RGS7: variants seen among roughly 807,000 people sequenced by gnomAD.
The protein encoded by RGS7 is regulator of G protein signaling 7.
Under a neutral mutation model 81.1 loss-of-function variants are expected in RGS7, and 27 were observed. The observed-to-expected ratio is 0.33, with a 90% CI of 0.25 to 0.46. RGS7 has a LOEUF of 0.46. Ranked by LOEUF, RGS7 falls within the 20% of genes least tolerant of loss-of-function variation. RGS7 has a pLI of 1.00. For synonymous variants in RGS7, 208 were observed against 207.7 expected, an observed-to-expected ratio of 1.00 and a Z score of -0.01; for missense variants, 396 against 607.4, an observed-to-expected ratio of 0.65 and a Z score of 3.66.
chr1:240,790,606 T>C (rs947467310), intron 18 of RGS7, among the ~76,000 whole-genome samples: 13 of 152,202 alleles, frequency 8.5e-5, no homozygotes, highest in Non-Finnish European at 1.9e-4. Context: ...CTAGGATTAA[T>C]AGCTGGAAGT....
chr1:241,238,164 G>A (rs2076080001), intron 2 of RGS7, among the ~76,000 whole-genome samples: 1 of 152,290 alleles, frequency 6.6e-6, no homozygotes, highest in South Asian at 2.1e-4. Flanking sequence ...TGCAGGTATT[G>A]TAGAAGCTCA....
intron 6 of RGS7, among the ~76,000 whole-genome samples, chr1:240,909,294 T>C (rs1671342007): frequency 6.6e-6 from 1 of 152,226 alleles, no homozygotes; most frequent in East Asian, 1.9e-4. Context: ...TTCTAGACTA[T>C]AAACTTCCAA....
rs922919010 is a variant in RGS7, at chr1:241,164,034, G to C, written c.79-65272C>G. Among the ~76,000 whole-genome samples, 7 of 152,150 alleles carry C rather than the reference G, an allele frequency of 4.6e-5. No homozygotes were observed. The highest frequency in any genetic ancestry group is 8.8e-5 in the Non-Finnish European group (6 of 68,036). ...CTTCTGACAGACCAGCTGGAAATTA[G>C]AGATCCCATGATCCCCTGCTTGAGT... On this transcript the variant is annotated intron_variant, in intron 2 of 18. Transcript: ENST00000440928. The surrounding 1 kb of genome is among the most constrained non-coding windows in gnomAD (Gnocchi z 4.1).
At chr1:241,256,182 T>C (rs1476294460) in intron 2 of RGS7, among the ~76,000 whole-genome samples, 4 of 152,194 alleles carry the variant, frequency 2.6e-5, no homozygotes, top group Non-Finnish European at 5.9e-5. Context: ...CTTATTTATG[T>C]AAGAGGATAT....
Position 240,793,611 on chromosome 1 carries a change from A to ATATATTTTTTTTTTTTTTTT in RGS7, c.*6+7029_*6+7030insAAAAAAAAAAAAAAAATATA. Reference sequence around the variant, plus strand: ...AATATATATATATATATATATATATATTTTTTTTTTTTTTTTGAGACAGAG... The same window carrying ATATATTTTTTTTTTTTTTTT: ...AATATATATATATATATATATATATATATATTTTTTTTTTTTTTTTTTTTTTTTTTTTTTTTGAGACAGAG... On this transcript the variant is annotated intron_variant, in intron 18 of 18. Coordinates refer to ENST00000440928, the MANE Select transcript of RGS7 (RefSeq NM_001364886.1). 8.9e-5 allele frequency among the ~76,000 whole-genome samples: 7 copies of ATATATTTTTTTTTTTTTTTT among 78,870 alleles called. 1 individual carries two copies. Among genetic ancestry groups the ATATATTTTTTTTTTTTTTTT allele is most frequent in the African/African-American group, 6.8e-4 (7 of 10,310 alleles). 51.7% of individuals were successfully genotyped at this position (78,870 alleles called of 152,430 possible). A position where few individuals can be genotyped will look rare whatever the true frequency, so the allele number is the denominator to read the frequency against.
At chr1:240,941,554 T>C (rs1252259040) in intron 4 of RGS7, among the ~76,000 whole-genome samples, 2 of 152,064 alleles carry the variant, frequency 1.3e-5, no homozygotes, top group Non-Finnish European at 2.9e-5. Flanking sequence ...TAACACTGCA[T>C]AGAAAAACAC....
chr1:241,315,107 CTTTTTTT>C (rs5782184), intron 2 of RGS7, among the ~76,000 whole-genome samples: 6 of 57,440 alleles, frequency 1.0e-4, no homozygotes, highest in South Asian at 9.3e-4. Flanking sequence ...TCTTCTTCTT[CTTTTTTT>C]TTTTTTTTTT....
intron 2 of RGS7, among the ~76,000 whole-genome samples, chr1:241,307,192 G>T (rs1372791757): frequency 6.6e-6 from 1 of 152,096 alleles, no homozygotes; most frequent in African/African-American, 2.4e-5. Context: ...TTACAGAGAG[G>T]ATCCTGAGAC....
intron 9 of RGS7, among the ~76,000 whole-genome samples, chr1:240,859,404 G>GT (rs1416187342): frequency 7.1e-6 from 1 of 140,202 alleles, no homozygotes; most frequent in Non-Finnish European, 1.5e-5. Flanking sequence ...TTCTTGGTAA[G>GT]TTTTAGTACA....
chr1:240,945,989 A>G (rs1385057583), intron 4 of RGS7, among the ~76,000 whole-genome samples: 1 of 152,234 alleles, frequency 6.6e-6, no homozygotes, highest in Non-Finnish European at 1.5e-5. Context: ...ATCTTTCTCA[A>G]AATTAGTTTG....
chr1:240,867,908 G>A (rs188588167), intron 9 of RGS7, among the ~76,000 whole-genome samples: 1 of 151,850 alleles, frequency 6.6e-6, no homozygotes, highest in East Asian at 1.9e-4. Flanking sequence ...AGGCTGAGGT[G>A]GGAGGACGGC....
At chr1:241,116,700 T>C (rs554846847) in intron 2 of RGS7, among the ~76,000 whole-genome samples, 11 of 152,312 alleles carry the variant, frequency 7.2e-5, no homozygotes, top group African/African-American at 1.7e-4. Flanking sequence ...ATGGGGTACA[T>C]AGTGATGTTT....
At chr1:241,189,963 C>A (rs542989878) in intron 2 of RGS7, among the ~76,000 whole-genome samples, 2 of 152,064 alleles carry the variant, frequency 1.3e-5, no homozygotes, top group Non-Finnish European at 2.9e-5. Flanking sequence ...TTTAGCCGGG[C>A]GCGGTGGTGG....
chr1:240,783,800 C>T (rs1172404067), intron 18 of RGS7, among the ~76,000 whole-genome samples: 1 of 151,940 alleles, frequency 6.6e-6, no homozygotes, highest in Non-Finnish European at 1.5e-5. Flanking sequence ...TCTTCTCCTG[C>T]AATCCCTTCT....
intron 18 of RGS7, among the ~76,000 whole-genome samples, chr1:240,783,534 A>G (rs1684478761): frequency 6.6e-6 from 1 of 151,610 alleles, no homozygotes; most frequent in Non-Finnish European, 1.5e-5. Context: ...GAGACAGGAG[A>G]ATTGTTTGAA....
At chr1:240,911,843 T>C (rs261831) in intron 6 of RGS7, among the ~76,000 whole-genome samples, 77,445 of 151,820 alleles carry the variant, frequency 0.51, 20,440 homozygotes, top group Middle Eastern at 0.65. Flanking sequence ...TGGCTTACTG[T>C]ACTTTAAAGA....
intron 2 of RGS7, among the ~76,000 whole-genome samples, chr1:241,241,012 G>A (rs983745111): frequency 2.6e-5 from 4 of 152,098 alleles, no homozygotes; most frequent in Admixed American, 1.3e-4. Flanking sequence ...GCAGGCCAGA[G>A]CTAATTAAGA....
chr1:241,104,205 A>G (rs1024560461), intron 2 of RGS7, among the ~76,000 whole-genome samples: 5 of 152,186 alleles, frequency 3.3e-5, no homozygotes, highest in African/African-American at 9.7e-5. Flanking sequence ...CATCATCAAC[A>G]TAATTTTCTT....
intron 3 of RGS7, among the ~76,000 whole-genome samples, chr1:241,087,867 T>C (rs1163175911): frequency 1.3e-5 from 2 of 151,240 alleles, no homozygotes; most frequent in East Asian, 3.9e-4. Context: ...GAGAATCGCT[T>C]GAACCCAGAA....
Sources: allele counts gnomAD v4.1 joint callset (sites outside exome capture counted in the v4.1 genomes callset), GRCh38; gene constraint gnomAD v4.1.1; non-coding constraint Gnocchi (gnomAD v3.1); transcripts MANE v1.5; gene names NCBI Gene and HGNC (gene_info 2026-07-23, HGNC 2026-07-21).